The following SYT1 variants were observed in gnomAD, a reference collection of about 807,000 sequenced individuals.
The protein encoded by SYT1 is synaptotagmin-1.
Under a neutral mutation model 44.8 loss-of-function variants are expected in SYT1, and 8 were observed. The observed-to-expected ratio is 0.18, with a 90% confidence interval of 0.10 to 0.32. The LOEUF is 0.32. SYT1 is among the 10% of genes least tolerant of loss of function. The probability of loss-of-function intolerance (pLI) is 1.00; values close to 1 mark genes in which losing one functional copy is unlikely to be tolerated. For synonymous variants in SYT1, 154 were observed against 188.8 expected, an observed-to-expected ratio of 0.82 and a Z score of 1.51; for missense variants, 286 against 509.3, an observed-to-expected ratio of 0.56 and a Z score of 4.22.
intron 3 of SYT1, among the ~76,000 whole-genome samples, chr12:79,164,950 A>G (rs1403418730): frequency 6.6e-6 from 1 of 152,016 alleles, no homozygotes; most frequent in African/African-American, 2.4e-5. Context: ...TTTGGCTATC[A>G]TTGGTCTTTT....
chr12:79,305,947 T>G (rs1880374171), intron 8 of SYT1, among the ~76,000 whole-genome samples: 2 of 152,136 alleles, frequency 1.3e-5, no homozygotes, highest in Non-Finnish European at 2.9e-5. Context: ...CCCACCCACC[T>G]CGGCCTCCCA....
At chr12:79,052,228 T>C (rs1874556701) in intron 3 of SYT1, among the ~76,000 whole-genome samples, 1 of 152,132 alleles carries the variant, frequency 6.6e-6, no homozygotes, top group Non-Finnish European at 1.5e-5. Flanking sequence ...TAGTTCTCCT[T>C]GAAGGGGTCC....
chr12:79,330,635 A>G (rs929039186), intron 8 of SYT1, among the ~76,000 whole-genome samples: 4 of 152,234 alleles, frequency 2.6e-5, no homozygotes, highest in Admixed American at 6.5e-5. Context: ...TACCTAGCAT[A>G]TAGAAGCTGT....
chr12:79,047,034 A>G (rs1874120345), intron 2 of SYT1, among the ~76,000 whole-genome samples: 1 of 151,918 alleles, frequency 6.6e-6, no homozygotes, highest in African/African-American at 2.4e-5. Context: ...TTAAAACACT[A>G]TAGAAAGCAT....
At chr12:79,064,258 T>TAAGG (rs1875600543) in intron 3 of SYT1, among the ~76,000 whole-genome samples, 1 of 150,930 alleles carries the variant, frequency 6.6e-6, no homozygotes. Flanking sequence ...AAAGAGGGAG[T>TAAGG]AAGGAAGGAA....
At chr12:78,945,540 A>G (rs1222244410) in intron 1 of SYT1, among the ~76,000 whole-genome samples, 2 of 151,548 alleles carry the variant, frequency 1.3e-5, no homozygotes, top group African/African-American at 4.8e-5. Flanking sequence ...AGGTTAACCA[A>G]TGATGTGATT....
rs201963322 is a variant in SYT1, at chr12:79,348,979, GGAAGAAA to G, written c.811-4519_811-4513del. ...AAAAGAAAAGAAAGAAAAAGAAAGA[GGAAGAAA>G]GAAAGAGAGAAGGAAAGAAAGAAAG... On this transcript the variant is annotated intron_variant, in intron 8 of 10. Transcript: ENST00000261205. Among the ~76,000 whole-genome samples, 278 of 130,010 alleles carry G rather than the reference GGAAGAAA, an allele frequency of 2.1e-3. 2 individuals are homozygous for G. Among genetic ancestry groups the G allele is most frequent in the African/African-American group, 7.8e-3 (263 of 33,692 alleles). The allele number at this position is 130,010 out of a possible 152,430, so 85.3% of individuals were successfully genotyped here. A position where few individuals can be genotyped will look rare whatever the true frequency, so the allele number is the denominator to read the frequency against.
At chr12:79,415,048 T>G (rs1868646925) in intron 9 of SYT1, among the ~76,000 whole-genome samples, 1 of 152,190 alleles carries the variant, frequency 6.6e-6, no homozygotes, top group Non-Finnish European at 1.5e-5. Context: ...TCTTCCTTTA[T>G]ATATTTTCCA....
chr12:79,386,933 A>G (rs1884458915), intron 9 of SYT1, among the ~76,000 whole-genome samples: 1 of 152,206 alleles, frequency 6.6e-6, no homozygotes, highest in Non-Finnish European at 1.5e-5. Flanking sequence ...CATATATGAA[A>G]GACATTCTAT....
intron 1 of SYT1, among the ~76,000 whole-genome samples, chr12:78,956,994 T>C (rs1390287315): frequency 6.6e-6 from 1 of 152,162 alleles, no homozygotes; most frequent in African/African-American, 2.4e-5. Context: ...CCTTTGTCCA[T>C]TTTATCAGAG....
chr12:79,316,890 A>C (rs562771734), intron 8 of SYT1, among the ~76,000 whole-genome samples: 1 of 152,372 alleles, frequency 6.6e-6, no homozygotes, highest in East Asian at 1.9e-4. Flanking sequence ...AAAGTATGGC[A>C]TGGATCAAAT....
In SYT1 at chr12:79,284,446, T is replaced by C. The variant is rs140428910; in HGVS notation, c.167-1341T>C. ...CACTAAACTCCCCTCTGTGTATTTA[T>C]CTTGCTTTTTAGGTATTTACTTGTG... On this transcript the variant is annotated intron_variant, in intron 4 of 10. Coordinates refer to ENST00000261205, the MANE Select transcript of SYT1 (RefSeq NM_005639.3). Among the ~76,000 whole-genome samples the C allele has an allele frequency of 1.3e-3, 191 of 152,326 alleles. 2 individuals carry two copies. Among genetic ancestry groups the C allele is most frequent in the African/African-American group, 4.3e-3 (178 of 41,568 alleles).
At chr12:79,339,420 G>A (rs1257656253) in intron 8 of SYT1, among the ~76,000 whole-genome samples, 1 of 152,218 alleles carries the variant, frequency 6.6e-6, no homozygotes, top group Non-Finnish European at 1.5e-5. Context: ...CTGATGACCA[G>A]TGATGATGAG....
At chr12:79,086,337 A>G (rs1015678309) in intron 3 of SYT1, among the ~76,000 whole-genome samples, 1 of 152,126 alleles carries the variant, frequency 6.6e-6, no homozygotes, top group Non-Finnish European at 1.5e-5. Context: ...CTGTCAAGAT[A>G]TCTACTCTCT....
Position 79,353,608 on chromosome 12 carries a change from G to T in SYT1, c.917G>T (p.Gly306Val). 6.2e-7 allele frequency: 1 copy of T among 1,613,556 alleles called. No individual in the cohort carries two copies. Among genetic ancestry groups the T allele is most frequent in the Non-Finnish European group, 8.5e-7 (1 of 1,179,472 alleles). Residue 306 changes from glycine (G) to valine (V), a missense_variant, in exon 9 of 11, where the codon GGT (glycine) becomes GTT (valine). Around this residue, in one of 6 missense-constraint regions of SYT1, gnomAD observed 15 missense variants for 84.6 expected, o/e 0.18. Coordinates refer to ENST00000261205, the MANE Select transcript of SYT1 (RefSeq NM_005639.3). The stretch of plus-strand genomic sequence containing the variant: ...AAGAACCTGAAGAAGATGGATGTGG[G>T]TGGCTTATCCGGTAAGCCTGCAGTG... ...EAKNLKKMDV[G>V]GLSDPYVKIH...
At chr12:79,168,932 C>T (rs562888593) in intron 3 of SYT1, among the ~76,000 whole-genome samples, 1 of 152,072 alleles carries the variant, frequency 6.6e-6, no homozygotes, top group South Asian at 2.1e-4. Flanking sequence ...TTTCGACATT[C>T]TTTTCAAGGC....
intron 3 of SYT1, among the ~76,000 whole-genome samples, chr12:79,203,164 C>G (rs990945610): frequency 4.6e-5 from 7 of 152,088 alleles, no homozygotes; most frequent in Non-Finnish European, 2.9e-5. Flanking sequence ...GTAATACAAA[C>G]TGAATCAAAC....
intron 2 of SYT1, among the ~76,000 whole-genome samples, chr12:79,045,341 C>T (rs370045935): frequency 4.6e-4 from 66 of 144,490 alleles, no homozygotes; most frequent in African/African-American, 7.0e-4. Context: ...TTTTTTAAGC[C>T]GGTCGGAAAA....
chr12:79,269,524 A>G (rs1184042514), intron 4 of SYT1, among the ~76,000 whole-genome samples: 2 of 152,182 alleles, frequency 1.3e-5, no homozygotes, highest in Admixed American at 6.5e-5. Flanking sequence ...AGTAGGAAAG[A>G]AATGAACGGT....
Sources: allele counts gnomAD v4.1 joint callset (sites outside exome capture counted in the v4.1 genomes callset), GRCh38; gene constraint gnomAD v4.1.1; regional missense constraint gnomAD v4.1.1; transcripts MANE v1.5; gene names NCBI Gene and HGNC (gene_info 2026-07-23, HGNC 2026-07-21).